Variants in ATRNL1 observed in about 807,000 individuals in gnomAD.
The protein encoded by ATRNL1 is attractin-like protein 1.
ATRNL1 carries 95 observed loss-of-function variants against 182.7 expected under a neutral mutation model. The observed-to-expected ratio is 0.52, with a 90% CI of 0.44 to 0.62. The LOEUF (loss-of-function observed/expected upper bound fraction) is 0.62, where lower values mean the gene tolerates loss of function less well. ATRNL1 is among the 20% of genes least tolerant of loss of function. The pLI, the probability that ATRNL1 is intolerant of heterozygous loss-of-function variation, is 0.00. For missense variants in ATRNL1, 1,471 were observed against 1,679.5 expected (o/e 0.88, Z 2.17); for synonymous variants, 576 against 568.3 (o/e 1.01, Z -0.19).
At chr10:115,503,163 C>T (rs1220105767) in intron 24 of ATRNL1, among the ~76,000 whole-genome samples, 1 of 151,982 alleles carries the variant, frequency 6.6e-6, no homozygotes, top group African/African-American at 2.4e-5. Context: ...GAAGGATACA[C>T]ATATGTAATA....
In ATRNL1 at chr10:115,855,329, C is replaced by G. The variant is rs144076888; in HGVS notation, c.4018+7338C>G. ...CCTGGTTCAAATGCTATTTCGTCTTCCTTGAGACCTTTTCAGTCCCTTCCA... is the reference window on the plus strand; with the variant it reads ...CCTGGTTCAAATGCTATTTCGTCTTGCTTGAGACCTTTTCAGTCCCTTCCA... On this transcript the variant is annotated intron_variant, in intron 28 of 28. Coordinates refer to ENST00000355044, the MANE Select transcript of ATRNL1 (RefSeq NM_207303.4). 7.6e-4 allele frequency among the ~76,000 whole-genome samples: 116 copies of G among 152,284 alleles called. 1 individual carries two copies. The highest frequency in any genetic ancestry group is 2.8e-3 in the African/African-American group (115 of 41,548).
chr10:115,876,017 G>A (rs1332488352), intron 28 of ATRNL1, among the ~76,000 whole-genome samples: 4 of 152,210 alleles, frequency 2.6e-5, no homozygotes, highest in African/African-American at 9.6e-5. Context: ...TGGGAATCTT[G>A]AAGTCGGAAG....
At chr10:115,777,199 A>T (rs993335025) in intron 27 of ATRNL1, among the ~76,000 whole-genome samples, 2 of 152,274 alleles carry the variant, frequency 1.3e-5, no homozygotes, top group East Asian at 3.9e-4. Context: ...ATGCTTGAAC[A>T]TTTCTTTTAT....
intron 27 of ATRNL1, among the ~76,000 whole-genome samples, chr10:115,766,068 A>AGT (rs1555074985): frequency 3.9e-5 from 6 of 152,150 alleles, no homozygotes; most frequent in African/African-American, 1.4e-4. Flanking sequence ...CCTGTCACAT[A>AGT]TTAGCATGTT....
chr10:115,903,094 G>A (rs147225408), intron 28 of ATRNL1, among the ~76,000 whole-genome samples: 200 of 152,234 alleles, frequency 1.3e-3, no homozygotes, highest in African/African-American at 4.7e-3. Flanking sequence ...TACATAATCT[G>A]ACACACACTG....
intron 26 of ATRNL1, among the ~76,000 whole-genome samples, chr10:115,676,844 C>G (rs12245110): frequency 0.012 from 1,765 of 152,070 alleles, 33 homozygotes; most frequent in African/African-American, 0.04. Context: ...AATGGAGACA[C>G]TCACAGGAAA....
chr10:115,929,633 G>A (rs1953337189), intron 28 of ATRNL1, among the ~76,000 whole-genome samples: 1 of 151,932 alleles, frequency 6.6e-6, no homozygotes. Flanking sequence ...ACTTCACGGA[G>A]GACCATTATA....
chr10:115,217,827 C>A (rs1450744033), intron 9 of ATRNL1, among the ~76,000 whole-genome samples: 1 of 152,108 alleles, frequency 6.6e-6, no homozygotes, highest in Admixed American at 6.5e-5. Flanking sequence ...TCTTAAATTT[C>A]TTTAAACACA....
At chr10:115,755,668 A>G (rs1327838647) in intron 27 of ATRNL1, among the ~76,000 whole-genome samples, 2 of 152,138 alleles carry the variant, frequency 1.3e-5, no homozygotes, top group African/African-American at 4.8e-5. Context: ...TGGTAACCGG[A>G]TGATGCTGGC....
intron 26 of ATRNL1, among the ~76,000 whole-genome samples, chr10:115,723,829 A>G (rs1555058898): frequency 6.6e-6 from 1 of 152,214 alleles, no homozygotes; most frequent in African/African-American, 2.4e-5. Context: ...AAGTGCTTAC[A>G]GGCGTGAGCC....
chr10:115,388,873 G>T (rs946260687), intron 19 of ATRNL1, among the ~76,000 whole-genome samples: 2 of 151,788 alleles, frequency 1.3e-5, no homozygotes, highest in African/African-American at 2.4e-5. Context: ...GTAAAATGTG[G>T]CATTTACATT....
intron 26 of ATRNL1, among the ~76,000 whole-genome samples, chr10:115,640,183 C>G (rs1293721375): frequency 1.8e-4 from 28 of 152,142 alleles, no homozygotes; most frequent in Admixed American, 1.8e-3. Flanking sequence ...CACTGATGGG[C>G]ATTTGGGTTG....
intron 1 of ATRNL1, among the ~76,000 whole-genome samples, chr10:115,101,756 T>C (rs183436165): frequency 1.7e-3 from 263 of 152,304 alleles, no homozygotes; most frequent in Non-Finnish European, 6.2e-4. Flanking sequence ...AAAGAGTTTT[T>C]AGGGAATTGG....
chr10:115,644,964 C>A (rs1050832784), intron 26 of ATRNL1, among the ~76,000 whole-genome samples: 2 of 152,042 alleles, frequency 1.3e-5, no homozygotes, highest in Non-Finnish European at 2.9e-5. Context: ...ATTCCTGAAC[C>A]AGTCACTTGC....
chr10:115,395,590 ATAAT>A (rs1844247810), intron 20 of ATRNL1, among the ~76,000 whole-genome samples: 1 of 151,718 alleles, frequency 6.6e-6, no homozygotes, highest in African/African-American at 2.4e-5. Flanking sequence ...ATTAATTCTG[ATAAT>A]TAATTCCAAT....
At chr10:115,671,927 T>C (rs1555041522) in intron 26 of ATRNL1, among the ~76,000 whole-genome samples, 1 of 152,068 alleles carries the variant, frequency 6.6e-6, no homozygotes, top group Non-Finnish European at 1.5e-5. Context: ...AGAAACAAGA[T>C]GTCCCAATAA....
At chr10:115,307,579 A>G (rs1853798465) in intron 17 of ATRNL1, among the ~76,000 whole-genome samples, 1 of 151,998 alleles carries the variant, frequency 6.6e-6, no homozygotes, top group Non-Finnish European at 1.5e-5. Context: ...GTTTTTTATT[A>G]TACACCCTGT....
chr10:115,208,961 G>A (rs1203545690), intron 8 of ATRNL1, among the ~76,000 whole-genome samples: 1 of 151,724 alleles, frequency 6.6e-6, no homozygotes, highest in Non-Finnish European at 1.5e-5. Context: ...TACCTTACAA[G>A]TAATCAGGGT....
intron 28 of ATRNL1, among the ~76,000 whole-genome samples, chr10:115,867,569 C>A (rs1210863836): frequency 6.6e-6 from 1 of 152,122 alleles, no homozygotes; most frequent in African/African-American, 2.4e-5. Context: ...ATTAGCATAA[C>A]AGGATCAGAC....
Sources: gnomAD v4.1 joint callset for allele counts (sites outside exome capture counted in the v4.1 genomes callset) on GRCh38, gnomAD v4.1.1 for gene constraint, MANE v1.5 for transcripts, NCBI Gene and HGNC (gene_info 2026-07-23, HGNC 2026-07-21) for gene names.